Variants in TUBB1 observed in about 807,000 individuals in gnomAD.
TUBB1 encodes tubulin beta 1 class VI.
Under a neutral mutation model 22.6 loss-of-function variants are expected in TUBB1, and 28 were observed. The observed-to-expected ratio is 1.24, with a 90% confidence interval of 0.92 to 1.70. The LOEUF is 1.70. TUBB1 is among the 40% of genes most tolerant of loss of function. TUBB1 has a pLI of 0.00. For synonymous variants in TUBB1, 226 were observed against 238.0 expected (o/e 0.95, Z 0.46); for missense variants, 577 against 605.5 (o/e 0.95, Z 0.49).
At chr20:59,017,505 C>T (rs1473663247), upstream of TUBB1, among the ~76,000 whole-genome samples, 1 of 152,216 alleles carries the variant, frequency 6.6e-6, no homozygotes, top group African/African-American at 2.4e-5. Context: ...GAAGCGATTT[C>T]CCCCAGACAC....
chr20:59,018,023 C>T (rs956285017), upstream of TUBB1, among the ~76,000 whole-genome samples: 2 of 152,252 alleles, frequency 1.3e-5, no homozygotes, highest in African/African-American at 4.8e-5. Context: ...TCCACATCCT[C>T]GGGGCTTCAG....
chr20:59,023,850 G>A lies in TUBB1; in HGVS notation c.423G>A (p.Gly141=), dbSNP rs768646480. The A allele has an allele frequency of 1.2e-5, 19 of 1,614,010 alleles. No homozygotes were observed. Among genetic ancestry groups the A allele is most frequent in the Non-Finnish European group, 1.4e-5 (16 of 1,180,006 alleles). Residue 141 remains glycine, a synonymous_variant, in exon 4 of 4, where the codon GGG becomes GGA. Coordinates refer to ENST00000217133, the MANE Select transcript of TUBB1 (RefSeq NM_030773.4). ...TCCAGATCGTCCACTCCCTGGGCGG[G>A]GGCACAGGCTCCGGGATGGGCACTC... ...QGFQIVHSLG[G]GTGSGMGTLL...
chr20:59,021,039 T>G (rs749956244), intron 1 of TUBB1, among the ~76,000 whole-genome samples: 1 of 152,222 alleles, frequency 6.6e-6, no homozygotes, highest in Non-Finnish European at 1.5e-5. Flanking sequence ...AGGAAACAAC[T>G]AAGGCTTTTA....
At chr20:59,019,246 G>GA (rs1203833566), upstream of TUBB1, 1 of 524,312 alleles carries the variant, frequency 1.9e-6, no homozygotes, top group Non-Finnish European at 3.5e-6. Flanking sequence ...CACTCTCTAG[G>GA]AAATGATGGG....
intron 2 of TUBB1, among the ~76,000 whole-genome samples, 185 bp from the exon 3 acceptor site, chr20:59,023,305 T>C (rs765931646): frequency 3.3e-5 from 5 of 152,204 alleles, no homozygotes; most frequent in African/African-American, 4.8e-5. Flanking sequence ...GGGTATTCTA[T>C]AGATTTGTGG....
intron 2 of TUBB1, among the ~76,000 whole-genome samples, 175 bp from the exon 3 acceptor site, chr20:59,023,315 G>T (rs2091976928): frequency 6.6e-6 from 1 of 152,078 alleles, no homozygotes; most frequent in Non-Finnish European, 1.5e-5. Flanking sequence ...TAGATTTGTG[G>T]GATTGTTGTT....
chr20:59,024,278 T>C lies in TUBB1; in HGVS notation c.851T>C (p.Leu284Pro), dbSNP rs1486480239. ...TAQGSQQYRA[L>P]SVAELTQQMF... ...CAGGGCAGCCAGCAGTACCGAGCCC[T>C]CTCCGTGGCCGAGCTCACCCAGCAG... The change falls in exon 4 of 4, where the codon CTC (leucine) becomes CCC (proline). Residue 284 changes from leucine to proline, a missense_variant. Leu to Pro is a moderately conservative substitution (Grantham distance 98, BLOSUM62 -3). Coordinates refer to ENST00000217133, the MANE Select transcript of TUBB1 (RefSeq NM_030773.4). The surrounding 1 kb of genome is among the most constrained non-coding windows in gnomAD (Gnocchi z 4.9). The C allele has an allele frequency of 6.2e-7, 1 of 1,613,988 alleles. No homozygotes were observed. The highest frequency in any genetic ancestry group is 8.5e-7 in the Non-Finnish European group (1 of 1,180,042).
upstream of TUBB1, chr20:59,019,409 G>A: frequency 7.6e-7 from 1 of 1,313,848 alleles, no homozygotes; most frequent in Non-Finnish European, 1.1e-6. Context: ...TGGTTGGCCA[G>A]TCCCACCACT....
chr20:59,018,289 C>T (rs1477419660), upstream of TUBB1, among the ~76,000 whole-genome samples: 2 of 152,192 alleles, frequency 1.3e-5, no homozygotes, highest in African/African-American at 2.4e-5. Context: ...CTAGGGCTGG[C>T]TTTCGACGAT....
upstream of TUBB1, chr20:59,019,369 C>T: frequency 1.2e-6 from 1 of 820,224 alleles, no homozygotes; most frequent in Admixed American, 1.9e-5. Flanking sequence ...CTGGGGTGGA[C>T]ACACCCTTGG....
chr20:59,016,746 A>C (rs1190991732), upstream of TUBB1, among the ~76,000 whole-genome samples: 1 of 152,172 alleles, frequency 6.6e-6, no homozygotes, highest in Non-Finnish European at 1.5e-5. Context: ...GGGACCTATG[A>C]ATAGGTCTGT....
chr20:59,024,635 T>G lies in TUBB1; in HGVS notation c.1208T>G (p.Met403Arg), dbSNP rs777848213. ...GTGCACTGGTACACCAGCGAAGGGA[T>G]GGACATAAACGAATTTGGGGAAGCT... ...AFVHWYTSEG[M>R]DINEFGEAEN... The change falls in exon 4 of 4, where the codon ATG becomes AGG. Residue 403 changes from methionine (M) to arginine (R), a missense_variant. Physicochemically the swap from Met to Arg is moderately conservative, Grantham distance 91 (BLOSUM62 -1). Transcript: ENST00000217133. This position sits in a 1 kb window ranked among gnomAD's most constrained non-coding sequence, Gnocchi z 4.9. 2 of 1,614,168 alleles carry G rather than the reference T, an allele frequency of 1.2e-6. No individual in the cohort carries two copies. Among genetic ancestry groups the G allele is most frequent in the Non-Finnish European group, 8.5e-7 (1 of 1,180,042 alleles).
Position 59,019,516 on chromosome 20 carries a change from A to G in TUBB1, c.-7A>G. On this transcript the variant is annotated 5_prime_UTR_variant, in exon 1 of 4. Transcript: ENST00000217133. ...GTGAAGATCTCAGACTTGGGCTCAG[A>G]GCAAGGATGCGTGAAATTGTCCATA... The G allele has an allele frequency of 6.2e-7, 1 of 1,613,968 alleles. No individual in the cohort carries two copies. Among genetic ancestry groups the G allele is most frequent in the South Asian group, 1.1e-5 (1 of 91,070 alleles).
At chr20:59,017,689 C>T (rs988471026), upstream of TUBB1, among the ~76,000 whole-genome samples, 7 of 152,158 alleles carry the variant, frequency 4.6e-5, no homozygotes, top group African/African-American at 1.4e-4. Context: ...ACGGGTCTGG[C>T]GAGAGGCAGG....
chr20:59,017,241 A>G (rs1405025571), upstream of TUBB1, among the ~76,000 whole-genome samples: 1 of 152,178 alleles, frequency 6.6e-6, no homozygotes, highest in Non-Finnish European at 1.5e-5. Context: ...CCTTATTTGA[A>G]TTTTGACAAT....
intron 1 of TUBB1, among the ~76,000 whole-genome samples, chr20:59,022,038 TAAAA>T (rs55938618): frequency 6.7e-6 from 1 of 149,576 alleles, no homozygotes; most frequent in African/African-American, 2.5e-5. Flanking sequence ...CATAAAAAAA[TAAAA>T]AAAAGAAAGA....
intron 1 of TUBB1, among the ~76,000 whole-genome samples, chr20:59,020,172 C>A (rs544128419): frequency 1.3e-5 from 2 of 152,150 alleles, no homozygotes; most frequent in South Asian, 2.1e-4. Context: ...GGCCACCGTG[C>A]CTGGCACTTT....
chr20:59,021,162 G>A (rs2091965094), intron 1 of TUBB1, among the ~76,000 whole-genome samples: 1 of 152,214 alleles, frequency 6.6e-6, no homozygotes, highest in African/African-American at 2.4e-5. Context: ...GAAGTGGGAG[G>A]CAGGAGCCCT....
At chr20:59,018,566 CCTGA>C (rs1240655650), upstream of TUBB1, among the ~76,000 whole-genome samples, 3 of 152,114 alleles carry the variant, frequency 2.0e-5, no homozygotes, top group Non-Finnish European at 1.5e-5. Context: ...TGCCACCACA[CCTGA>C]CTAATATTTG....
Sources: gnomAD v4.1 joint callset for allele counts (sites outside exome capture counted in the v4.1 genomes callset) on GRCh38, gnomAD v4.1.1 for gene constraint, Gnocchi (gnomAD v3.1) non-coding constraint, MANE v1.5 for transcripts, NCBI Gene and HGNC (gene_info 2026-07-23, HGNC 2026-07-21) for gene names.